ANKRD26: variants seen among roughly 807,000 people sequenced by gnomAD.
The protein encoded by ANKRD26 is ankyrin repeat domain-containing protein 26.
In ANKRD26, 141 loss-of-function variants were observed where a neutral mutation model predicts 208.7. The ratio of observed to expected loss-of-function variants is 0.68; its 90% CI spans 0.59 to 0.78. ANKRD26 has a LOEUF of 0.78. ANKRD26 is among the 30% of genes least tolerant of loss of function. The pLI is 0.00. For missense variants in ANKRD26, 1,889 were observed against 1,938.7 expected, an observed-to-expected ratio of 0.97 and a Z score of 0.48; for synonymous variants, 636 against 660.4, an observed-to-expected ratio of 0.96 and a Z score of 0.57.
In ANKRD26 at chr10:27,100,482, TC is replaced by T; in HGVS notation, c.-157del. ...TCCCTCCGGGTTACCAAGCAAGCGA[TC>T]CCGCTAGACACAAGTGCGCATGCGC... On this transcript the variant is annotated 5_prime_UTR_variant, in exon 1 of 34. Transcript: ENST00000376087. The T allele has an allele frequency of 8.6e-7, 1 of 1,165,924 alleles. No individual in the cohort carries two copies. Among genetic ancestry groups the T allele is most frequent in the East Asian group, 2.5e-5 (1 of 39,540 alleles). The allele number at this position is 1,165,924 out of a possible 1,614,324, so 72.2% of individuals were successfully genotyped here.
chr10:27,010,638 A>G (rs907379698), intron 32 of ANKRD26, among the ~76,000 whole-genome samples: 2 of 151,958 alleles, frequency 1.3e-5, no homozygotes, highest in Non-Finnish European at 2.9e-5. Context: ...TGGGACTACA[A>G]GCGTGCACCA....
intron 15 of ANKRD26, among the ~76,000 whole-genome samples, chr10:27,057,425 A>C (rs1345850338): frequency 6.6e-6 from 1 of 152,168 alleles, no homozygotes; most frequent in Admixed American, 6.5e-5. Flanking sequence ...CAGGGATATG[A>C]ATTTTTTTAT....
chr10:27,022,474 T>C, intron 29 of ANKRD26, 84 bp downstream of exon 29: 1 of 1,138,256 alleles, frequency 8.8e-7, no homozygotes, highest in Non-Finnish European at 1.2e-6. Context: ...AAAAAAATCT[T>C]TATTTCACTG....
chr10:27,083,364 GA>G (rs34320055), intron 5 of ANKRD26, among the ~76,000 whole-genome samples: 12,427 of 149,508 alleles, frequency 0.083, 710 homozygotes, highest in East Asian at 0.28. Context: ...TTTCTTAAAT[GA>G]AAAAAAAAAT....
Position 27,035,282 on chromosome 10 carries a change from T to G in ANKRD26, c.3168A>C (p.Lys1056Asn). 6.2e-7 allele frequency: 1 copy of G among 1,613,888 alleles called. No homozygotes were observed. Among genetic ancestry groups the G allele is most frequent in the Non-Finnish European group, 8.5e-7 (1 of 1,179,878 alleles). Residue 1056 changes from lysine (K) to asparagine (N), a missense_variant, in exon 24 of 34, where the codon AAA becomes AAC. This residue lies in a region of ANKRD26 where 1,272 missense variants were observed against 1,273.8 expected (regional missense o/e 1.00). Transcript: ENST00000376087. The part of the protein sequence containing the change: ...DKMNFDVSNL[K>N]DNNEILSQQL... ...GTTGAGAAAGAATCTCATTGTTATC[T>G]TTTAGGTTAGACACATCAAAATTCA...
intron 21 of ANKRD26, 108 bp downstream of exon 21, chr10:27,039,854 TAAG>T (rs1383679502): frequency 2.4e-5 from 23 of 947,392 alleles, no homozygotes; most frequent in East Asian, 2.3e-4. Context: ...TCCACAAGAC[TAAG>T]AAGTTTTCTT....
At chr10:27,064,271 G>A (rs1264271772) in intron 11 of ANKRD26, among the ~76,000 whole-genome samples, 190 bp from the exon 12 acceptor site, 1 of 152,062 alleles carries the variant, frequency 6.6e-6, no homozygotes, top group Non-Finnish European at 1.5e-5. Context: ...ACTAGATTAA[G>A]CTTATCTTTT....
chr10:27,096,081 G>GTCTCAACACAGGAGCCAAGCAGC (rs1339405883), intron 1 of ANKRD26, among the ~76,000 whole-genome samples: 3 of 152,190 alleles, frequency 2.0e-5, no homozygotes, highest in Non-Finnish European at 4.4e-5. Context: ...GACCAGACCA[G>GTCTCAACACAGGAGCCAAGCAGC]TCTCAACACA....
chr10:26,999,974 GA>G (rs1436109449), downstream of ANKRD26, among the ~76,000 whole-genome samples: 1 of 152,088 alleles, frequency 6.6e-6, no homozygotes, highest in African/African-American at 2.4e-5. Flanking sequence ...TCATTATAGA[GA>G]ATTTGCAAGA....
Position 27,093,730 on chromosome 10 carries a change from G to A in ANKRD26, c.312C>T (p.Cys104=). Residue 104 remains cysteine (C), a synonymous_variant, in exon 2 of 34, where the codon TGC becomes TGT. Coordinates refer to ENST00000376087, the MANE Select transcript of ANKRD26 (RefSeq NM_014915.3). Reference sequence around the variant, plus strand: ...TTTCGTTGTCACAGACATTGAGCTGGCATTTTCTGTCCACCAGGAGAGTTA... The same window carrying A: ...TTTCGTTGTCACAGACATTGAGCTGACATTTTCTGTCCACCAGGAGAGTTA... ...EVVTLLVDRK[C]QLNVCDNENR... is the part of the protein sequence containing the mutation. 6.2e-7 allele frequency: 1 copy of A among 1,614,206 alleles called. No individual in the cohort carries two copies. Among genetic ancestry groups the A allele is most frequent in the Non-Finnish European group, 8.5e-7 (1 of 1,180,048 alleles).
the ANKRD26 span, among the ~76,000 whole-genome samples, chr10:26,964,531 A>C: frequency 6.6e-6 from 1 of 152,188 alleles, no homozygotes; most frequent in Non-Finnish European, 1.5e-5. Flanking sequence ...GCAACCAAGC[A>C]ACAAATAGCA....
chr10:27,060,427 T>C lies in ANKRD26; in HGVS notation c.1492-10A>G. The C allele has an allele frequency of 6.2e-7, 1 of 1,605,958 alleles. No homozygotes were observed. Among genetic ancestry groups the C allele is most frequent in the East Asian group, 2.2e-5 (1 of 44,722 alleles). On this transcript the variant is annotated splice_polypyrimidine_tract_variant and intron_variant, in intron 14 of 33. Transcript: ENST00000376087. ...TCATTTCAATGGTAGGCTGAATGGG[T>C]TTTGAAACAAAATGATTAATAAATA...
chr10:27,100,092 T>G lies in ANKRD26; in HGVS notation c.235A>C (p.Met79Leu). The change falls in exon 1 of 34, where the codon ATG becomes CTG. Residue 79 changes from methionine to leucine, a missense_variant. By Grantham distance (15) the Met-to-Leu change is conservative. Around this residue, in one of 3 missense-constraint regions of ANKRD26, gnomAD observed 1,272 missense variants for 1,273.8 expected, o/e 1.00. Coordinates refer to ENST00000376087, the MANE Select transcript of ANKRD26 (RefSeq NM_014915.3). ...GCTTGCGACGCCTATTACCTGTTCA[T>G]CTTGTCTCTATCGTTCAAGCCATTC... ...RKNGLNDRDK[M>L]NRTALHLACA... 1 of 1,614,028 alleles carries G rather than the reference T, an allele frequency of 6.2e-7. No individual in the cohort carries two copies. The highest frequency in any genetic ancestry group is 2.2e-5 in the East Asian group (1 of 44,876).
At chr10:26,976,847 T>C (rs116983513) in intron 5 of ANKRD26, among the ~76,000 whole-genome samples, 1 of 152,120 alleles carries the variant, frequency 6.6e-6, no homozygotes, top group African/African-American at 2.4e-5. Context: ...AGCAGCCAGA[T>C]GGAAGGTGCA....
At position 27,066,522 on chromosome 10, in the gene ANKRD26, G is replaced by A. The variant is rs200081716; in HGVS notation, c.1234C>T (p.Gln412Ter). The A allele has an allele frequency of 1.9e-6, 3 of 1,600,440 alleles. No homozygotes were observed. The highest frequency in any genetic ancestry group is 3.3e-5 in the Admixed American group (2 of 59,886). ...SDMMSALGLG[Q>*]EEDIESPWDS... is the part of the protein sequence containing the mutation. Reference sequence around the variant, plus strand: ...CAAGGTGATTCTATATCTTCCTCTTGTCCTAATCCTAATGCGGACATCATA... The same window carrying A: ...CAAGGTGATTCTATATCTTCCTCTTATCCTAATCCTAATGCGGACATCATA... The change falls in exon 11 of 34, where the codon CAA becomes TAA. Residue 412 changes from glutamine (Q) to a stop codon, truncating the protein, a stop_gained. Transcript: ENST00000376087. LOFTEE classifies it high-confidence loss of function.
rs2056612412 is a variant in ANKRD26, at chr10:27,100,389, G to A, written c.-63C>T. On this transcript the variant is annotated 5_prime_UTR_variant, in exon 1 of 34. Transcript: ENST00000376087. ...CTCTCGGCTCTTAACGGCCTCCGGA[G>A]CCCAACATAACAAGTCAGCCCCGGC... 1.3e-6 allele frequency: 2 copies of A among 1,595,972 alleles called. No homozygotes were observed. Among genetic ancestry groups the A allele is most frequent in the Non-Finnish European group, 1.7e-6 (2 of 1,178,400 alleles).
chr10:26,987,003 C>G (rs1486151662), downstream of ANKRD26, among the ~76,000 whole-genome samples: 3 of 152,292 alleles, frequency 2.0e-5, no homozygotes, highest in East Asian at 5.8e-4. Flanking sequence ...CAGCACTATT[C>G]ACAATAGCAA....
Position 27,014,674 on chromosome 10 carries a change from C to G in ANKRD26, c.4544G>C (p.Arg1515Thr). Residue 1515 changes from arginine (R) to threonine (T), a missense_variant, in exon 31 of 34, where the codon AGA becomes ACA. Coordinates refer to ENST00000376087, the MANE Select transcript of ANKRD26 (RefSeq NM_014915.3). ...TTTCATTGAAGCAAAATTATTCTCT[C>G]TAAACTGCTCTAAGTTTTCTTGAGA... ...AASQENLEQF[R>T]ENNFASMKSQ... The G allele has an allele frequency of 6.2e-7, 1 of 1,613,084 alleles. No homozygotes were observed. Among genetic ancestry groups the G allele is most frequent in the Non-Finnish European group, 8.5e-7 (1 of 1,179,696 alleles).
At position 27,077,443 on chromosome 10, in the gene ANKRD26, A is replaced by C. The variant is rs772012550; in HGVS notation, c.972T>G (p.Pro324=). 1.2e-6 allele frequency: 2 copies of C among 1,613,868 alleles called. No individual in the cohort carries two copies. Among genetic ancestry groups the C allele is most frequent in the Non-Finnish European group, 1.7e-6 (2 of 1,179,778 alleles). Residue 324 remains proline (P), a synonymous_variant, in exon 9 of 34, where the codon CCT becomes CCG. Coordinates refer to ENST00000376087, the MANE Select transcript of ANKRD26 (RefSeq NM_014915.3). Reference sequence around the variant, plus strand: ...AGCACTGGACTTTGATTGATGTTGTAGGAAGGCTTTCAACCACAACTTCAT... The same window carrying C: ...AGCACTGGACTTTGATTGATGTTGTCGGAAGGCTTTCAACCACAACTTCAT... ...SQDEVVVESL[P]TTSIKVQCFS...
Sources: allele counts gnomAD v4.1 joint callset (sites outside exome capture counted in the v4.1 genomes callset), GRCh38; gene constraint gnomAD v4.1.1; regional missense constraint gnomAD v4.1.1; transcripts MANE v1.5; gene names NCBI Gene and HGNC (gene_info 2026-07-23, HGNC 2026-07-21).